RNF130: variants seen among roughly 807,000 people sequenced by gnomAD.
The protein encoded by RNF130 is E3 ubiquitin-protein ligase RNF130.
RNF130 carries 21 observed loss-of-function variants against 44.6 expected under a neutral mutation model. That is an observed-to-expected ratio of 0.47 (90% CI 0.33 to 0.68). RNF130 has a LOEUF of 0.68. Among genes scored for constraint, RNF130 ranks in the 30% least tolerant of loss-of-function variants. RNF130 has a pLI of 0.02. For missense variants in RNF130, 479 were observed against 560.6 expected (o/e 0.85, Z 1.47); for synonymous variants, 214 against 210.4 (o/e 1.02, Z -0.15).
chr5:180,043,043 C>T (rs528875924), intron 1 of RNF130, among the ~76,000 whole-genome samples: 2 of 152,312 alleles, frequency 1.3e-5, no homozygotes, highest in East Asian at 1.9e-4. Context: ...TCTGGCCAGG[C>T]GTGGTGGCAC....
At position 180,071,750 on chromosome 5, in the gene RNF130, G is replaced by A. The variant is rs1765278795; in HGVS notation, c.-48C>T. On this transcript the variant is annotated 5_prime_UTR_variant, in exon 1 of 9. Coordinates refer to ENST00000521389, the MANE Select transcript of RNF130 (RefSeq NM_018434.6). ...GCTCGCGGACCGGGCTCCGGGGCCG[G>A]CGCCTAGAGGCGGGGCGGGCGCGGC... 1 of 1,101,830 alleles carries A rather than the reference G, an allele frequency of 9.1e-7. No homozygotes were observed. The highest frequency in any genetic ancestry group is 4.4e-5 in the South Asian group (1 of 22,712). The allele number at this position is 1,101,830 out of a possible 1,614,324, so 68.3% of individuals were successfully genotyped here. A position where few individuals can be genotyped will look rare whatever the true frequency, so the allele number is the denominator to read the frequency against.
At chr5:180,008,177 C>G (rs376238604) in intron 3 of RNF130, among the ~76,000 whole-genome samples, 1 of 151,778 alleles carries the variant, frequency 6.6e-6, no homozygotes, top group Non-Finnish European at 1.5e-5. Flanking sequence ...CAGAGCAGCC[C>G]ACCACCCGAC....
At chr5:179,992,842 T>C (rs976747588) in intron 3 of RNF130, among the ~76,000 whole-genome samples, 1 of 152,198 alleles carries the variant, frequency 6.6e-6, no homozygotes, top group Non-Finnish European at 1.5e-5. Context: ...ATCATTTACA[T>C]TAGGTATATC....
chr5:179,923,617 G>A (rs1296300218), intron 7 of RNF130, among the ~76,000 whole-genome samples: 1 of 152,196 alleles, frequency 6.6e-6, no homozygotes, highest in African/African-American at 2.4e-5. Context: ...CGTGTTCAGT[G>A]AGGCAAAGGC....
At chr5:180,064,301 G>T (rs1323585404) in intron 1 of RNF130, among the ~76,000 whole-genome samples, 1 of 152,178 alleles carries the variant, frequency 6.6e-6, no homozygotes, top group Non-Finnish European at 1.5e-5. Flanking sequence ...ATAGGGAGCA[G>T]ATTCATTTGC....
intron 3 of RNF130, among the ~76,000 whole-genome samples, chr5:179,994,162 C>T (rs150149931): frequency 0.027 from 4,045 of 152,254 alleles, 115 homozygotes; most frequent in Non-Finnish European, 0.035. Flanking sequence ...GGTAGCATGA[C>T]GCCTCCAGTT....
At chr5:180,001,176 G>A (rs1763327676) in intron 3 of RNF130, among the ~76,000 whole-genome samples, 1 of 152,198 alleles carries the variant, frequency 6.6e-6, no homozygotes. Flanking sequence ...GGTATAAGCT[G>A]TGGATGTCTG....
chr5:179,993,264 G>C (rs1213169062), intron 3 of RNF130, among the ~76,000 whole-genome samples: 1 of 152,194 alleles, frequency 6.6e-6, no homozygotes, highest in African/African-American at 2.4e-5. Flanking sequence ...GGGTCAAATG[G>C]TATTTCTAGT....
intron 3 of RNF130, among the ~76,000 whole-genome samples, chr5:180,010,362 TTTTC>T (rs1017153603): frequency 2.6e-5 from 4 of 152,066 alleles, no homozygotes; most frequent in African/African-American, 4.8e-5. Context: ...TATAACATTT[TTTTC>T]TTTATTTTTT....
intron 8 of RNF130, 114 bp from the exon 9 acceptor site, chr5:179,955,783 A>C: frequency 1.2e-6 from 1 of 801,974 alleles, no homozygotes; most frequent in Admixed American, 2.5e-5. Context: ...CTAGTTCCCA[A>C]CCCCTCTGGT....
chr5:180,062,073 T>A (rs1764999948), intron 1 of RNF130, among the ~76,000 whole-genome samples: 1 of 150,014 alleles, frequency 6.7e-6, no homozygotes, highest in Non-Finnish European at 1.5e-5. Context: ...TTTTTTTTTT[T>A]AGACGGAGTC....
At chr5:180,019,374 ACT>A (rs1294429738) in intron 2 of RNF130, among the ~76,000 whole-genome samples, 1 of 144,046 alleles carries the variant, frequency 6.9e-6, no homozygotes, top group South Asian at 2.2e-4. Context: ...ACAGAGCGAG[ACT>A]CTGTCTCAAA....
downstream of RNF130, among the ~76,000 whole-genome samples, chr5:179,953,704 G>C (rs931687074): frequency 3.3e-5 from 5 of 151,924 alleles, no homozygotes; most frequent in Non-Finnish European, 5.9e-5. Context: ...CCTTAAATTA[G>C]GTAATACATT....
At position 179,998,859 on chromosome 5, in the gene RNF130, T is replaced by TATATATATA. The variant is rs1554103680; in HGVS notation, c.693+14201_693+14202insTATATATAT. 2.6e-3 allele frequency among the ~76,000 whole-genome samples: 228 copies of TATATATATA among 88,692 alleles called. 8 individuals carry two copies. Among genetic ancestry groups the TATATATATA allele is most frequent in the Admixed American group, 4.5e-3 (38 of 8,482 alleles). The allele number at this position is 88,692 out of a possible 152,430, so 58.2% of individuals were successfully genotyped here. ...TCTCTCTCTTTAGATCTAGTATTTT[T>TATATATATA]TATATATATATATATATATATATAT... On this transcript the variant is annotated intron_variant, in intron 3 of 8. Transcript: ENST00000521389.
At chr5:179,925,339 T>C (rs1761692810) in intron 7 of RNF130, among the ~76,000 whole-genome samples, 2 of 152,020 alleles carry the variant, frequency 1.3e-5, no homozygotes, top group African/African-American at 4.8e-5. Flanking sequence ...ACCCAAAAGA[T>C]TGGGACTGGG....
intron 2 of RNF130, among the ~76,000 whole-genome samples, chr5:180,033,696 TAAA>T (rs34698128): frequency 6.7e-6 from 1 of 148,872 alleles, no homozygotes; most frequent in Non-Finnish European, 1.5e-5. Flanking sequence ...ACTCTGCCTT[TAAA>T]AAAAAAAAAG....
chr5:180,042,370 C>T (rs890368753), intron 1 of RNF130, among the ~76,000 whole-genome samples: 11 of 152,134 alleles, frequency 7.2e-5, no homozygotes, highest in African/African-American at 2.2e-4. Flanking sequence ...ATATTGTATA[C>T]GACCATTACC....
downstream of RNF130, among the ~76,000 whole-genome samples, chr5:179,950,750 T>C (rs1762112843): frequency 6.6e-6 from 1 of 152,180 alleles, no homozygotes; most frequent in African/African-American, 2.4e-5. Flanking sequence ...CTTGAAATAA[T>C]GTGAAAAGAA....
chr5:180,011,050 T>C (rs879912555), intron 3 of RNF130, among the ~76,000 whole-genome samples: 1 of 152,240 alleles, frequency 6.6e-6, no homozygotes, highest in Non-Finnish European at 1.5e-5. Flanking sequence ...ATCTTTGTAT[T>C]TGTATTATCT....
Sources: allele counts gnomAD v4.1 joint callset (sites outside exome capture counted in the v4.1 genomes callset), GRCh38; gene constraint gnomAD v4.1.1; transcripts MANE v1.5; gene names NCBI Gene and HGNC (gene_info 2026-07-23, HGNC 2026-07-21).